Variants in ATRN observed in about 807,000 individuals in gnomAD.
ATRN encodes the protein attractin-2.
ATRN carries 54 observed loss-of-function variants against 178.7 expected under a neutral mutation model. That is an observed-to-expected ratio of 0.30 (90% confidence interval 0.24 to 0.38). The LOEUF is 0.38. Ranked by LOEUF, ATRN falls within the 10% of genes least tolerant of loss-of-function variation. The pLI is 1.00. For missense variants in ATRN, 1,443 were observed against 1,815.1 expected (o/e 0.79, Z 3.73); for synonymous variants, 636 against 663.0 (o/e 0.96, Z 0.63).
At chr20:3,611,802 A>G (rs924076813) in intron 24 of ATRN, among the ~76,000 whole-genome samples, 3 of 152,202 alleles carry the variant, frequency 2.0e-5, no homozygotes, top group Non-Finnish European at 4.4e-5. Flanking sequence ...AGATAACACT[A>G]CACACTTATC....
intron 18 of ATRN, among the ~76,000 whole-genome samples, chr20:3,589,120 C>A (rs2086402308): frequency 6.6e-6 from 1 of 151,082 alleles, no homozygotes; most frequent in South Asian, 2.1e-4. Flanking sequence ...GTAGCTGGGA[C>A]TACAGGCGCA....
chr20:3,494,048 A>G (rs2084844303), intron 1 of ATRN, among the ~76,000 whole-genome samples: 1 of 152,244 alleles, frequency 6.6e-6, no homozygotes, highest in Non-Finnish European at 1.5e-5. Flanking sequence ...ATCAAACCAC[A>G]TGATAAGTTT....
intron 1 of ATRN, among the ~76,000 whole-genome samples, chr20:3,482,280 A>G (rs1230399234): frequency 1.3e-5 from 2 of 152,120 alleles, no homozygotes; most frequent in African/African-American, 4.8e-5. Flanking sequence ...GACAAAAAAA[A>G]AAGACATTAC....
At position 3,507,403 on chromosome 20, in the gene ATRN, T is replaced by C. The variant is rs554221258; in HGVS notation, c.411-27850T>C. Among the ~76,000 whole-genome samples the C allele has an allele frequency of 4.2e-5, 6 of 141,996 alleles. No individual in the cohort carries two copies. In the South Asian group the frequency reaches 1.3e-3, roughly 32 times the overall value. The allele number at this position is 141,996 out of a possible 152,430, so 93.2% of individuals were successfully genotyped here. A position where few individuals can be genotyped will look rare whatever the true frequency, so the allele number is the denominator to read the frequency against. The stretch of plus-strand genomic sequence containing the variant: ...CAGCCTGCGACAGAGCGAAACTCCG[T>C]CTCAAAAAAAAAAAAAAAATTGGAG... On this transcript the variant is annotated intron_variant, in intron 1 of 28. Coordinates refer to ENST00000262919, the MANE Select transcript of ATRN (RefSeq NM_139321.3).
chr20:3,561,253 G>C (rs1208684984), intron 8 of ATRN, among the ~76,000 whole-genome samples: 1 of 152,166 alleles, frequency 6.6e-6, no homozygotes, highest in Non-Finnish European at 1.5e-5. Flanking sequence ...AACCCGGGAG[G>C]TGGAGGTTGC....
chr20:3,606,552 C>T (rs2086679742), intron 24 of ATRN, among the ~76,000 whole-genome samples: 1 of 152,210 alleles, frequency 6.6e-6, no homozygotes. Flanking sequence ...GTAGTCAAAG[C>T]TCCCTGCGTT....
At chr20:3,560,930 GC>G in intron 8 of ATRN, 25 bp downstream of exon 8, 1 of 1,609,602 alleles carries the variant, frequency 6.2e-7, no homozygotes, top group Non-Finnish European at 8.5e-7. Context: ...TCCAGTAGAT[GC>G]CTTTTGAACA....
intron 1 of ATRN, chr20:3,490,037 C>G: frequency 1.9e-6 from 2 of 1,058,838 alleles, no homozygotes; most frequent in Non-Finnish European, 3.0e-6. Context: ...TCAGAGTATT[C>G]ATAGATCTGG....
intron 5 of ATRN, 85 bp downstream of exon 5, chr20:3,547,574 A>G (rs540107990): frequency 2.8e-6 from 3 of 1,073,956 alleles, no homozygotes; most frequent in African/African-American, 3.2e-5. Flanking sequence ...TATTCTTAGC[A>G]CCTATATAAT....
At chr20:3,569,851 G>T (rs770012589) in intron 11 of ATRN, among the ~76,000 whole-genome samples, 1 of 152,130 alleles carries the variant, frequency 6.6e-6, no homozygotes, top group Non-Finnish European at 1.5e-5. Context: ...CAGGAGGATT[G>T]CTTGAGTCCA....
chr20:3,592,740 C>T (rs1227048859), intron 19 of ATRN, among the ~76,000 whole-genome samples: 2 of 152,102 alleles, frequency 1.3e-5, no homozygotes, highest in African/African-American at 2.4e-5. Flanking sequence ...CCCTTACTCT[C>T]CCTGGGGTTC....
chr20:3,630,167 C>G (rs1238468488), intron 25 of ATRN, among the ~76,000 whole-genome samples: 2 of 152,204 alleles, frequency 1.3e-5, no homozygotes, highest in African/African-American at 4.8e-5. Flanking sequence ...AAAAGACACT[C>G]CTGTCCCTCT....
chr20:3,638,934 A>T lies in ATRN; in HGVS notation c.4049A>T (p.Lys1350Met). Residue 1350 changes from lysine (K) to methionine (M), a missense_variant and splice_region_variant, in exon 27 of 29, where the codon AAG (lysine) becomes ATG (methionine). Coordinates refer to ENST00000262919, the MANE Select transcript of ATRN (RefSeq NM_139321.3). The surrounding 1 kb of genome is among the most constrained non-coding windows in gnomAD (Gnocchi z 4.5). ...EPPDLIGGSIKTVPKPIALEP... is the reference protein window; with the variant it reads ...EPPDLIGGSIMTVPKPIALEP... Reference sequence around the variant, plus strand: ...CCTGATCTTATTGGGGGGAGTATAAAGGTGAGAATGTGACTCAGAAGTCCC... The same window carrying T: ...CCTGATCTTATTGGGGGGAGTATAATGGTGAGAATGTGACTCAGAAGTCCC... 6.2e-7 allele frequency: 1 copy of T among 1,613,370 alleles called. No individual in the cohort carries two copies. Among genetic ancestry groups the T allele is most frequent in the Non-Finnish European group, 8.5e-7 (1 of 1,179,470 alleles).
chr20:3,634,487 G>A, intron 26 of ATRN, 98 bp downstream of exon 26: 3 of 1,007,570 alleles, frequency 3.0e-6, no homozygotes, highest in Non-Finnish European at 4.6e-6. Flanking sequence ...AGTGATAATG[G>A]ACAGACAGAC....
At chr20:3,475,516 A>G (rs1052834555) in intron 1 of ATRN, among the ~76,000 whole-genome samples, 3 of 152,250 alleles carry the variant, frequency 2.0e-5, no homozygotes, top group Admixed American at 2.0e-4. Flanking sequence ...AAATACCTAT[A>G]GAATCTTTGG....
chr20:3,643,146 G>T (rs941027473), intron 27 of ATRN, among the ~76,000 whole-genome samples: 3 of 152,110 alleles, frequency 2.0e-5, no homozygotes, highest in Non-Finnish European at 4.4e-5. Flanking sequence ...TCAAAGCAGA[G>T]TCTTCCCCAG....
chr20:3,629,903 T>G (rs1429605062), intron 25 of ATRN, among the ~76,000 whole-genome samples: 1 of 152,020 alleles, frequency 6.6e-6, no homozygotes, highest in Non-Finnish European at 1.5e-5. Context: ...GTGGATATAT[T>G]CACTATCCTG....
At chr20:3,499,600 A>G (rs1299804119) in intron 1 of ATRN, among the ~76,000 whole-genome samples, 2 of 150,176 alleles carry the variant, frequency 1.3e-5, no homozygotes, top group East Asian at 1.9e-4. Flanking sequence ...TCCCTATTTA[A>G]TAAATGGTGC....
At chr20:3,553,417 A>G (rs773541838) in intron 6 of ATRN, among the ~76,000 whole-genome samples, 5 of 152,174 alleles carry the variant, frequency 3.3e-5, no homozygotes, top group Admixed American at 6.5e-5. Flanking sequence ...GCCTGCTGTT[A>G]TCTCTTACTT....
Sources: allele counts gnomAD v4.1 joint callset (sites outside exome capture counted in the v4.1 genomes callset), GRCh38; gene constraint gnomAD v4.1.1; non-coding constraint Gnocchi (gnomAD v3.1); transcripts MANE v1.5; gene names NCBI Gene and HGNC (gene_info 2026-07-23, HGNC 2026-07-21).